Variants in PABPC4L observed in about 807,000 individuals in gnomAD.
The protein encoded by PABPC4L is polyadenylate-binding protein 4-like.
For synonymous variants in PABPC4L, 169 were observed against 164.1 expected (o/e 1.03, Z -0.23); for missense variants, 452 against 451.4 (o/e 1.00, Z -0.01).
At chr4:134,019,925 A>G in the PABPC4L span, among the ~76,000 whole-genome samples, 1 of 152,282 alleles carries the variant, frequency 6.6e-6, no homozygotes, top group South Asian at 2.1e-4. Flanking sequence ...TTTGACTTAG[A>G]GATGACAGAC....
chr4:134,137,227 T>A, the PABPC4L span, among the ~76,000 whole-genome samples: 2 of 151,940 alleles, frequency 1.3e-5, no homozygotes, highest in Non-Finnish European at 2.9e-5. Flanking sequence ...CCACTAATTC[T>A]TAACAAAAAA....
chr4:134,079,416 T>TAA, the PABPC4L span, among the ~76,000 whole-genome samples: 195 of 147,614 alleles, frequency 1.3e-3, 1 homozygote, highest in African/African-American at 2.5e-3. Context: ...CCATCTTTAC[T>TAA]AAAAAAAAAT....
At chr4:134,082,035 T>C in the PABPC4L span, among the ~76,000 whole-genome samples, 2 of 152,048 alleles carry the variant, frequency 1.3e-5, no homozygotes, top group Non-Finnish European at 2.9e-5. Context: ...TGAAATGACA[T>C]GTTCTGGAAG....
the PABPC4L span, among the ~76,000 whole-genome samples, chr4:134,151,908 T>A: frequency 2.0e-5 from 3 of 151,626 alleles, no homozygotes; most frequent in African/African-American, 7.2e-5. Context: ...TTAAAAACTA[T>A]ATTATCAGTT....
At chr4:133,990,094 G>C in the PABPC4L span, among the ~76,000 whole-genome samples, 2 of 152,112 alleles carry the variant, frequency 1.3e-5, no homozygotes, top group Non-Finnish European at 2.9e-5. Flanking sequence ...CTACATTCAA[G>C]ATGATATTTG....
the PABPC4L span, among the ~76,000 whole-genome samples, chr4:134,055,592 T>C: frequency 6.6e-6 from 1 of 151,670 alleles, no homozygotes; most frequent in African/African-American, 2.4e-5. Flanking sequence ...GACTAATACA[T>C]ATGCCATCTG....
rs1402660301 is a variant in PABPC4L, at chr4:134,196,853, TCTA to T, written c.*3051_*3053del. The T allele has an allele frequency of 8.6e-5, 13 of 151,708 alleles. No individual in the cohort carries two copies. The highest frequency in any genetic ancestry group is 3.1e-4 in the African/African-American group (13 of 41,516). 9.4% of individuals were successfully genotyped at this position (151,708 alleles called of 1,614,324 possible). A position where few individuals can be genotyped will look rare whatever the true frequency, so the allele number is the denominator to read the frequency against. ...CAGCAAATGCTGGAAATAAGCAATT[TCTA>T]CTAAGAAGGCAGATTATTGTGTAAT... On this transcript the variant is annotated 3_prime_UTR_variant, in exon 2 of 2. Coordinates refer to ENST00000421491, the MANE Select transcript of PABPC4L (RefSeq NM_001114734.2).
At chr4:134,013,467 A>T in the PABPC4L span, among the ~76,000 whole-genome samples, 1 of 151,870 alleles carries the variant, frequency 6.6e-6, no homozygotes, top group East Asian at 1.9e-4. Context: ...TGTTCTTAAG[A>T]ACTTAAAACC....
chr4:134,109,747 G>A, the PABPC4L span, among the ~76,000 whole-genome samples: 1 of 151,534 alleles, frequency 6.6e-6, no homozygotes, highest in African/African-American at 2.4e-5. Context: ...CAAATTTCTA[G>A]ATCATTTTTT....
the PABPC4L span, among the ~76,000 whole-genome samples, chr4:134,120,499 A>G: frequency 1.3e-5 from 2 of 150,424 alleles, no homozygotes; most frequent in African/African-American, 2.4e-5. Context: ...TCCTTCCAAG[A>G]TCCCCTTATT....
chr4:134,155,392 A>G, the PABPC4L span, among the ~76,000 whole-genome samples: 1 of 129,834 alleles, frequency 7.7e-6, no homozygotes, highest in Admixed American at 8.3e-5. Flanking sequence ...TCAACTTCTA[A>G]TCATTATTTC....
the PABPC4L span, among the ~76,000 whole-genome samples, chr4:134,011,574 A>G: frequency 6.6e-6 from 1 of 152,112 alleles, no homozygotes; most frequent in African/African-American, 2.4e-5. Flanking sequence ...GTTTCTTAAT[A>G]TAGGTATATT....
At chr4:134,115,846 C>T in the PABPC4L span, among the ~76,000 whole-genome samples, 1 of 151,650 alleles carries the variant, frequency 6.6e-6, no homozygotes, top group African/African-American at 2.4e-5. Flanking sequence ...ATTATTATCA[C>T]ATCTGCGAAT....
chr4:134,103,085 G>A, the PABPC4L span, among the ~76,000 whole-genome samples: 1 of 151,442 alleles, frequency 6.6e-6, no homozygotes, highest in Admixed American at 6.6e-5. Context: ...TTGGCCAGGT[G>A]TGGGCCGATA....
At chr4:134,139,713 A>G in the PABPC4L span, among the ~76,000 whole-genome samples, 1 of 149,816 alleles carries the variant, frequency 6.7e-6, no homozygotes, top group African/African-American at 2.5e-5. Context: ...TTTTTTGGAG[A>G]GACAACACTT....
chr4:134,102,283 T>G, the PABPC4L span, among the ~76,000 whole-genome samples: 1 of 151,374 alleles, frequency 6.6e-6, no homozygotes, highest in African/African-American at 2.4e-5. Flanking sequence ...ATAAATAAAA[T>G]GATATAATAA....
At chr4:134,033,129 A>T in the PABPC4L span, among the ~76,000 whole-genome samples, 2 of 150,518 alleles carry the variant, frequency 1.3e-5, no homozygotes, top group Non-Finnish European at 3.0e-5. Flanking sequence ...TCTCTGTGTC[A>T]CCTTTTGGTA....
the PABPC4L span, among the ~76,000 whole-genome samples, chr4:134,146,140 C>A: frequency 6.6e-6 from 1 of 151,714 alleles, no homozygotes; most frequent in South Asian, 2.1e-4. Flanking sequence ...GAACAAAATT[C>A]TGATACTTTT....
At chr4:134,038,889 T>C in the PABPC4L span, among the ~76,000 whole-genome samples, 1 of 152,262 alleles carries the variant, frequency 6.6e-6, no homozygotes, top group East Asian at 1.9e-4. Context: ...TGCTCTTGCT[T>C]CTCTAGTTGT....
Sources: gnomAD v4.1 joint callset for allele counts (sites outside exome capture counted in the v4.1 genomes callset) on GRCh38, gnomAD v4.1.1 for gene constraint, MANE v1.5 for transcripts, NCBI Gene and HGNC (gene_info 2026-07-23, HGNC 2026-07-21) for gene names.